LTBP1: variants seen among roughly 807,000 people sequenced by gnomAD.
LTBP1 encodes the protein latent transforming growth factor beta binding protein 1.
LTBP1 carries 129 observed loss-of-function variants against 207.6 expected under a neutral mutation model. That is an observed-to-expected ratio of 0.62 (90% CI 0.54 to 0.72). The LOEUF (loss-of-function observed/expected upper bound fraction) is 0.72, where lower values mean the gene tolerates loss of function less well. Among genes scored for constraint, LTBP1 ranks in the 30% least tolerant of loss-of-function variants. LTBP1 has a pLI of 0.00. For missense variants in LTBP1, 2,281 were observed against 2,217.2 expected, an observed-to-expected ratio of 1.03 and a Z score of -0.58; for synonymous variants, 963 against 833.7, an observed-to-expected ratio of 1.16 and a Z score of -2.67.
In LTBP1 at chr2:33,222,128, G is replaced by A. The variant is rs267599358; in HGVS notation, c.1853G>A (p.Arg618Gln). 58 of 1,612,086 alleles carry A rather than the reference G, an allele frequency of 3.6e-5. No individual in the cohort carries two copies. The highest frequency in any genetic ancestry group is 5.5e-5 in the South Asian group (5 of 91,042). Residue 618 changes from arginine (R) to glutamine (Q), a missense_variant, in exon 9 of 34, where the codon CGG becomes CAG. Transcript: ENST00000404816. ...QMMECLPGYK[R>Q]VNNTFCQDIN... ...ATGGAATGCCTACCGGGTTATAAGC[G>A]GGTTAACAACACCTTTTGCCAAGGT...
intron 5 of LTBP1, among the ~76,000 whole-genome samples, chr2:33,151,204 A>T (rs923922015): frequency 2.0e-5 from 3 of 152,164 alleles, no homozygotes; most frequent in Admixed American, 2.0e-4. Context: ...TAATGTTGCT[A>T]TGAGCCCTGA....
At chr2:33,142,300 C>T (rs1014370719) in intron 5 of LTBP1, among the ~76,000 whole-genome samples, 3 of 152,108 alleles carry the variant, frequency 2.0e-5, no homozygotes, top group Non-Finnish European at 2.9e-5. Flanking sequence ...CGTGATCCGC[C>T]CGCCTCGGCC....
intron 20 of LTBP1, 129 bp downstream of exon 20, chr2:33,293,411 T>C: frequency 3.5e-6 from 3 of 853,564 alleles, no homozygotes; most frequent in Non-Finnish European, 5.1e-6. Flanking sequence ...GAGCACATAT[T>C]GGTTGGCTTG....
intron 24 of LTBP1, among the ~76,000 whole-genome samples, chr2:33,324,009 T>C (rs540821304): frequency 1.6e-4 from 24 of 152,248 alleles, no homozygotes; most frequent in African/African-American, 5.8e-4. Context: ...AGAATAATAA[T>C]AGCACCTACA....
At chr2:33,368,296 G>A (rs114575853) in intron 31 of LTBP1, among the ~76,000 whole-genome samples, 9,456 of 152,230 alleles carry the variant, frequency 0.062, 325 homozygotes, top group Non-Finnish European at 0.071. Flanking sequence ...ACTAAAAATA[G>A]AACTACCCGG....
chr2:33,293,248 C>CTA lies in LTBP1; in HGVS notation c.3204_3205dup (p.Thr1069IlefsTer23). ...CCTACATGTGTTCATGCCACAAAGG[C>CTA]TATACCCGGACTCCGGACCACAAGC... On this transcript the variant is annotated frameshift_variant, in exon 20 of 34. Transcript: ENST00000404816. LOFTEE classifies it high-confidence loss of function. The CTA allele has an allele frequency of 6.2e-7, 1 of 1,614,022 alleles. No homozygotes were observed. The highest frequency in any genetic ancestry group is 8.5e-7 in the Non-Finnish European group (1 of 1,179,974).
chr2:33,082,431 A>AATTTTTTTTTTTTT lies in LTBP1; in HGVS notation c.864-28151_864-28150insATTTTTTTTTTTTT, dbSNP rs2078468929. 4.6e-4 allele frequency among the ~76,000 whole-genome samples: 53 copies of AATTTTTTTTTTTTT among 116,044 alleles called. 22 individuals carry two copies. The highest frequency in any genetic ancestry group is 3.3e-4 in the Non-Finnish European group (19 of 58,288). 76.1% of individuals were successfully genotyped at this position (116,044 alleles called of 152,430 possible). A position where few individuals can be genotyped will look rare whatever the true frequency, so the allele number is the denominator to read the frequency against. On this transcript the variant is annotated intron_variant, in intron 3 of 33. Coordinates refer to ENST00000404816, the MANE Select transcript of LTBP1 (RefSeq NM_206943.4). Reference sequence around the variant, plus strand: ...GTTAACCGTGGCTAAAGTATGACTCACTTTTTTTTTTTTTTTTTTTTTTTT... The same window carrying AATTTTTTTTTTTTT: ...GTTAACCGTGGCTAAAGTATGACTCAATTTTTTTTTTTTTCTTTTTTTTTTTTTTTTTTTTTTTT...
At position 33,146,281 on chromosome 2, in the gene LTBP1, C is replaced by G. The variant is rs1000565096; in HGVS notation, c.1201+11321C>G. The stretch of plus-strand genomic sequence containing the variant: ...TTGATTTAAATCAGGCACTGCTCTT[C>G]TTACTCTCAAGACAAAATCTAGACA... On this transcript the variant is annotated intron_variant, in intron 5 of 33. Coordinates refer to ENST00000404816, the MANE Select transcript of LTBP1 (RefSeq NM_206943.4). Among the ~76,000 whole-genome samples the G allele has an allele frequency of 2.0e-5, 3 of 152,210 alleles. No individual in the cohort carries two copies. The East Asian group carries it at 5.8e-4, about 29-fold the overall frequency.
chr2:33,121,503 G>A (rs2081118336), intron 4 of LTBP1, among the ~76,000 whole-genome samples: 1 of 152,046 alleles, frequency 6.6e-6, no homozygotes, highest in South Asian at 2.1e-4. Context: ...TGGAAGCACA[G>A]GCACCCACCA....
chr2:33,133,579 A>G (rs1300391348), intron 4 of LTBP1, among the ~76,000 whole-genome samples: 1 of 152,232 alleles, frequency 6.6e-6, no homozygotes, highest in Non-Finnish European at 1.5e-5. Flanking sequence ...GTTGCGATCC[A>G]GCAGTGAAGG....
chr2:33,062,251 T>C (rs1389162065), intron 3 of LTBP1, among the ~76,000 whole-genome samples: 4 of 152,120 alleles, frequency 2.6e-5, no homozygotes, highest in Non-Finnish European at 4.4e-5. Flanking sequence ...ACAGCATTTT[T>C]TTCCTCTTAC....
chr2:33,093,462 G>A (rs935132788), intron 3 of LTBP1, among the ~76,000 whole-genome samples: 2 of 151,896 alleles, frequency 1.3e-5, no homozygotes, highest in Non-Finnish European at 2.9e-5. Context: ...CATTCTCTTG[G>A]CAGTTTTTTT....
In LTBP1 at chr2:33,378,439, C is replaced by T. The variant is rs183550204; in HGVS notation, c.4712-10745C>T. 3.1e-3 allele frequency among the ~76,000 whole-genome samples: 479 copies of T among 152,064 alleles called. 1 individual carries two copies. The highest frequency in any genetic ancestry group is 4.5e-3 in the Non-Finnish European group (309 of 67,992). On this transcript the variant is annotated intron_variant, in intron 31 of 33. Coordinates refer to ENST00000404816, the MANE Select transcript of LTBP1 (RefSeq NM_206943.4). ...TAGAAATGGGGTTTCACCATGTTGC[C>T]CAGGCTGGTTTCAAACTCCTGAGCT...
At chr2:33,255,323 C>A (rs556428681) in intron 11 of LTBP1, among the ~76,000 whole-genome samples, 2 of 152,112 alleles carry the variant, frequency 1.3e-5, no homozygotes, top group Admixed American at 6.5e-5. Flanking sequence ...ATTAAAAAGT[C>A]AGGAAACAAC....
intron 24 of LTBP1, among the ~76,000 whole-genome samples, chr2:33,337,959 C>T (rs1445431641): frequency 1.3e-5 from 2 of 152,006 alleles, no homozygotes; most frequent in Non-Finnish European, 2.9e-5. Flanking sequence ...TATGTATATA[C>T]GGGACTAACA....
In LTBP1 at chr2:33,389,257, C is replaced by T. The variant is rs1471070127; in HGVS notation, c.4785C>T (p.Asp1595=). ...RQPYGRDALV[D]FSEQYTPEAD... ...CATATGGACGGGACGCCTTGGTTGA[C>T]TTCAGTGAACAGTATACTCCAGAAG... The change falls in exon 32 of 34, where the codon GAC becomes GAT. Residue 1595 remains aspartate (D), a synonymous_variant. Coordinates refer to ENST00000404816, the MANE Select transcript of LTBP1 (RefSeq NM_206943.4). 3.7e-6 allele frequency: 6 copies of T among 1,614,086 alleles called. No homozygotes were observed. The East Asian group carries it at 6.7e-5, about 18-fold the overall frequency.
At chr2:33,364,127 C>T (rs2150082823) in intron 29 of LTBP1, 89 bp from the exon 30 acceptor site, 1 of 1,301,876 alleles carries the variant, frequency 7.7e-7, no homozygotes, top group East Asian at 2.4e-5. Context: ...GGAATCTGGA[C>T]TAAATATAGC....
intron 5 of LTBP1, among the ~76,000 whole-genome samples, chr2:33,152,110 C>T (rs1388991851): frequency 6.6e-6 from 1 of 152,124 alleles, no homozygotes; most frequent in Non-Finnish European, 1.5e-5. Flanking sequence ...GCAAAAGGAA[C>T]AGTCAGCAGA....
intron 24 of LTBP1, among the ~76,000 whole-genome samples, chr2:33,342,293 C>A (rs2094637022): frequency 6.6e-6 from 1 of 152,194 alleles, no homozygotes; most frequent in African/African-American, 2.4e-5. Flanking sequence ...GGCATCAAAT[C>A]TTTTCTTTTG....
Sources: allele counts gnomAD v4.1 joint callset (sites outside exome capture counted in the v4.1 genomes callset), GRCh38; gene constraint gnomAD v4.1.1; transcripts MANE v1.5; gene names NCBI Gene and HGNC (gene_info 2026-07-23, HGNC 2026-07-21).